OXR1: variants seen among roughly 807,000 people sequenced by gnomAD.
OXR1 encodes oxidation resistance 1.
Under a neutral mutation model 104.6 loss-of-function variants are expected in OXR1, and 41 were observed. The ratio of observed to expected loss-of-function variants is 0.39; its 90% CI spans 0.31 to 0.51. The LOEUF (loss-of-function observed/expected upper bound fraction) is 0.51, where lower values mean the gene tolerates loss of function less well. OXR1 is among the 20% of genes least tolerant of loss of function. The probability of loss-of-function intolerance (pLI) is 0.77; values close to 1 mark genes in which losing one functional copy is unlikely to be tolerated. For missense variants in OXR1, 955 were observed against 1,031.9 expected, an observed-to-expected ratio of 0.93 and a Z score of 1.02; for synonymous variants, 348 against 348.4, an observed-to-expected ratio of 1.00 and a Z score of 0.01.
intron 2 of OXR1, among the ~76,000 whole-genome samples, chr8:106,468,866 A>G (rs956325260): frequency 4.0e-5 from 6 of 151,802 alleles, no homozygotes; most frequent in African/African-American, 1.4e-4. Flanking sequence ...TAGTTGAAAC[A>G]GCAAAGAATT....
In OXR1 at chr8:106,501,110, T is replaced by C. The variant is rs535657261; in HGVS notation, c.24-17833T>C. On this transcript the variant is annotated intron_variant, in intron 2 of 16. Transcript: ENST00000517566. ...TGGATTTCAAGCAGAAAAATCTTCT[T>C]GTACAAACTCATACAACTGCTTCTT... 1.9e-4 allele frequency among the ~76,000 whole-genome samples: 29 copies of C among 152,314 alleles called. No individual in the cohort carries two copies. The East Asian group carries it at 1.9e-3, about 10-fold the overall frequency.
At chr8:106,587,341 G>A (rs1818708882) in intron 3 of OXR1, among the ~76,000 whole-genome samples, 1 of 152,050 alleles carries the variant, frequency 6.6e-6, no homozygotes, top group East Asian at 1.9e-4. Flanking sequence ...GAGTTTCTTG[G>A]GTTTGCAGGG....
At chr8:106,366,556 A>G (rs1277696422) in intron 2 of OXR1, among the ~76,000 whole-genome samples, 3 of 152,244 alleles carry the variant, frequency 2.0e-5, no homozygotes, top group Admixed American at 2.0e-4. Flanking sequence ...AAAATTATCA[A>G]CATTGTGTTA....
intron 3 of OXR1, among the ~76,000 whole-genome samples, chr8:106,562,960 C>A (rs1816790385): frequency 6.6e-6 from 1 of 152,092 alleles, no homozygotes; most frequent in African/African-American, 2.4e-5. Flanking sequence ...TACAAGAGCT[C>A]CTGAAGGAAG....
At chr8:106,343,659 T>C (rs1815350014) in intron 1 of OXR1, among the ~76,000 whole-genome samples, 1 of 152,234 alleles carries the variant, frequency 6.6e-6, no homozygotes, top group African/African-American at 2.4e-5. Context: ...AATATGTTGA[T>C]TGGCCTGTAT....
chr8:106,319,253 T>C (rs935783992), intron 1 of OXR1, among the ~76,000 whole-genome samples: 4 of 152,200 alleles, frequency 2.6e-5, no homozygotes, highest in African/African-American at 9.7e-5. Flanking sequence ...AAGTGGAGCT[T>C]TCCTTAAAGA....
At position 106,692,753 on chromosome 8, in the gene OXR1, C is replaced by A; in HGVS notation, c.551C>A (p.Ala184Glu). ...AATCCTGATGTCCATCCAACAGAAG[C>A]AACTCCCTCATCTACTTTCACTGGT... ...TTNPDVHPTE[A>E]TPSSTFTGIR... The change falls in exon 7 of 17, where the codon GCA becomes GAA. Residue 184 changes from alanine to glutamate, a missense_variant. By Grantham distance (107) the Ala-to-Glu change is moderately radical. Coordinates refer to ENST00000517566, the MANE Select transcript of OXR1 (RefSeq NM_001198533.2). The A allele has an allele frequency of 6.5e-7, 1 of 1,533,572 alleles. No individual in the cohort carries two copies. Among genetic ancestry groups the A allele is most frequent in the African/African-American group, 1.4e-5 (1 of 71,484 alleles). 95.0% of individuals were successfully genotyped at this position (1,533,572 alleles called of 1,614,324 possible).
chr8:106,655,613 G>C (rs1258758554), intron 3 of OXR1, among the ~76,000 whole-genome samples: 1 of 152,156 alleles, frequency 6.6e-6, no homozygotes, highest in Admixed American at 6.5e-5. Context: ...GTTCATATTT[G>C]ATGGCCTATG....
intron 1 of OXR1, among the ~76,000 whole-genome samples, chr8:106,358,925 ATAATT>A (rs1156745799): frequency 6.6e-6 from 1 of 151,942 alleles, no homozygotes; most frequent in African/African-American, 2.4e-5. Context: ...AATTCACTAA[ATAATT>A]TAGTGAATAA....
intron 11 of OXR1, among the ~76,000 whole-genome samples, chr8:106,723,800 TA>T: frequency 6.6e-6 from 1 of 152,296 alleles, no homozygotes; most frequent in East Asian, 1.9e-4. Flanking sequence ...AATTTATTAT[TA>T]TTTTTTGAGA....
At chr8:106,397,402 T>C (rs769747835) in intron 2 of OXR1, among the ~76,000 whole-genome samples, 4 of 152,072 alleles carry the variant, frequency 2.6e-5, no homozygotes, top group Non-Finnish European at 5.9e-5. Context: ...TTTTACTGAA[T>C]AAACTTTTCT....
chr8:106,533,589 C>T (rs1814246797), intron 3 of OXR1, among the ~76,000 whole-genome samples: 2 of 152,116 alleles, frequency 1.3e-5, no homozygotes, highest in Admixed American at 6.5e-5. Flanking sequence ...GGCCTGAGAC[C>T]TTTCTCCTAT....
At chr8:106,503,171 G>A (rs1811921350) in intron 2 of OXR1, among the ~76,000 whole-genome samples, 1 of 152,048 alleles carries the variant, frequency 6.6e-6, no homozygotes. Context: ...ACTAGAAATG[G>A]AAGGATGTCT....
At chr8:106,496,000 T>C (rs1400683026) in intron 2 of OXR1, among the ~76,000 whole-genome samples, 2 of 152,168 alleles carry the variant, frequency 1.3e-5, no homozygotes, top group Non-Finnish European at 2.9e-5. Context: ...ATTATCTGCA[T>C]TTATAATAAA....
intron 1 of OXR1, among the ~76,000 whole-genome samples, chr8:106,286,931 A>G (rs1812526392): frequency 6.6e-6 from 1 of 152,202 alleles, no homozygotes; most frequent in Non-Finnish European, 1.5e-5. Context: ...CAGCAATAAA[A>G]GCCATTTATG....
intron 2 of OXR1, among the ~76,000 whole-genome samples, chr8:106,518,474 A>T (rs1238373280): frequency 1.3e-5 from 2 of 152,220 alleles, no homozygotes; most frequent in African/African-American, 4.8e-5. Context: ...GTAAAATAAC[A>T]TGAATTCTAT....
At chr8:106,341,319 T>C (rs972518389) in intron 1 of OXR1, among the ~76,000 whole-genome samples, 1 of 151,710 alleles carries the variant, frequency 6.6e-6, no homozygotes, top group Non-Finnish European at 1.5e-5. Context: ...AAAAGGAAAA[T>C]ATTTAAAATA....
intron 16 of OXR1, among the ~76,000 whole-genome samples, chr8:106,750,324 CTTTTTT>C (rs35858491): frequency 2.9e-5 from 4 of 138,202 alleles, no homozygotes; most frequent in Admixed American, 7.3e-5. Flanking sequence ...CTTTTCTTTT[CTTTTTT>C]TTTTTTTTTT....
Position 106,739,551 on chromosome 8 carries a change from A to G in OXR1, c.2131A>G (p.Ser711Gly). 1 of 1,613,518 alleles carries G rather than the reference A, an allele frequency of 6.2e-7. No homozygotes were observed. Among genetic ancestry groups the G allele is most frequent in the Non-Finnish European group, 8.5e-7 (1 of 1,179,682 alleles). ...TTTTCGACCAAACCTAAGTGATCCC[A>G]GTGAACTTTTACTGCCAGATCAAAT... ...ESFRPNLSDP[S>G]ELLLPDQIEK... Residue 711 changes from serine (S) to glycine (G), a missense_variant, in exon 13 of 17, where the codon AGT (serine) becomes GGT (glycine). Transcript: ENST00000517566.
Sources: gnomAD v4.1 joint callset for allele counts (sites outside exome capture counted in the v4.1 genomes callset) on GRCh38, gnomAD v4.1.1 for gene constraint, MANE v1.5 for transcripts, NCBI Gene and HGNC (gene_info 2026-07-23, HGNC 2026-07-21) for gene names.